C1orf105: variants seen among roughly 807,000 people sequenced by gnomAD.
C1orf105 encodes the protein uncharacterized protein C1orf105.
C1orf105 carries 17 observed loss-of-function variants against 20.8 expected under a neutral mutation model. The ratio of observed to expected loss-of-function variants is 0.82; its 90% CI spans 0.56 to 1.23. C1orf105 has a LOEUF of 1.23. Ranked by LOEUF, C1orf105 falls within the 50% of genes most tolerant of loss-of-function variation. The pLI, the probability that C1orf105 is intolerant of heterozygous loss-of-function variation, is 0.00. For missense variants in C1orf105, 219 were observed against 213.5 expected, an observed-to-expected ratio of 1.03 and a Z score of -0.16; for synonymous variants, 72 against 72.1, an observed-to-expected ratio of 1.00 and a Z score of 0.01.
intron 6 of C1orf105, among the ~76,000 whole-genome samples, chr1:172,466,065 C>G (rs926258449): frequency 2.6e-5 from 4 of 152,164 alleles, no homozygotes; most frequent in Admixed American, 6.5e-5. Context: ...TTGATACATA[C>G]AGTAAAGAAA....
intron 3 of C1orf105, chr1:172,453,142 G>A: frequency 1.3e-6 from 2 of 1,551,018 alleles, no homozygotes; most frequent in Non-Finnish European, 1.7e-6. Context: ...AGATAGAAAT[G>A]GAGCAGCTCT....
chr1:172,424,775 T>C (rs1038860079), intron 1 of C1orf105, among the ~76,000 whole-genome samples: 2 of 152,196 alleles, frequency 1.3e-5, no homozygotes, highest in Non-Finnish European at 2.9e-5. Flanking sequence ...TGCCTCTTTT[T>C]TTTTCTTTTA....
Position 172,464,768 on chromosome 1 carries a change from C to A in C1orf105, c.342-531C>A, listed in dbSNP as rs367990932. On this transcript the variant is annotated intron_variant, in intron 5 of 6. Transcript: ENST00000367727. Reference sequence around the variant, plus strand: ...AGGTTTTATCAAAAATCCATGAAAACAACACTAATCAAAAAGAGATTGAGA... The same window carrying A: ...AGGTTTTATCAAAAATCCATGAAAAAAACACTAATCAAAAAGAGATTGAGA... Among the ~76,000 whole-genome samples, 11 of 151,892 alleles carry A rather than the reference C, an allele frequency of 7.2e-5. No individual in the cohort carries two copies. In the East Asian group the frequency reaches 1.9e-3, roughly 27 times the overall value.
Position 172,448,548 on chromosome 1 carries a change from G to C in C1orf105, c.198+17G>C. On this transcript the variant is annotated intron_variant, in intron 3 of 6. Transcript: ENST00000367727. ...TTATCTAAGGTACTAAAAAATTTTTGTTGAAATGAAACCAACAGCAGTTCT... is the reference window on the plus strand; with the variant it reads ...TTATCTAAGGTACTAAAAAATTTTTCTTGAAATGAAACCAACAGCAGTTCT... 1 of 1,512,152 alleles carries C rather than the reference G, an allele frequency of 6.6e-7. No individual in the cohort carries two copies. The highest frequency in any genetic ancestry group is 1.7e-5 in the Admixed American group (1 of 59,548). The allele number at this position is 1,512,152 out of a possible 1,614,324, so 93.7% of individuals were successfully genotyped here. A position where few individuals can be genotyped will look rare whatever the true frequency, so the allele number is the denominator to read the frequency against.
intron 5 of C1orf105, 50 bp downstream of exon 5, chr1:172,462,295 A>G (rs12134818): frequency 0.057 from 76,860 of 1,342,598 alleles, 3,718 homozygotes; most frequent in African/African-American, 0.24. Flanking sequence ...GTTATGTCTG[A>G]GGACACAGGA....
chr1:172,457,058 A>G (rs114545396), intron 4 of C1orf105, among the ~76,000 whole-genome samples: 1 of 152,124 alleles, frequency 6.6e-6, no homozygotes, highest in Non-Finnish European at 1.5e-5. Flanking sequence ...AGCAAGGGAG[A>G]TGTGGAGGGA....
intron 4 of C1orf105, among the ~76,000 whole-genome samples, chr1:172,460,731 T>C (rs1478306076): frequency 6.6e-6 from 1 of 152,128 alleles, no homozygotes; most frequent in African/African-American, 2.4e-5. Flanking sequence ...CAACAGAATG[T>C]AATCAATATA....
chr1:172,424,615 T>A (rs893777846), intron 1 of C1orf105, among the ~76,000 whole-genome samples: 1 of 152,166 alleles, frequency 6.6e-6, no homozygotes, highest in African/African-American at 2.4e-5. Flanking sequence ...GGTCTTAAAC[T>A]CCTGACCTCA....
intron 1 of C1orf105, chr1:172,431,343 T>C (rs915246501): frequency 1.6e-5 from 6 of 378,178 alleles, no homozygotes; most frequent in Non-Finnish European, 2.8e-5. Context: ...CAGATAAAGT[T>C]ATAGTGGTCT....
intron 2 of C1orf105, among the ~76,000 whole-genome samples, chr1:172,447,712 G>A (rs1389696263): frequency 1.3e-5 from 2 of 152,250 alleles, no homozygotes; most frequent in African/African-American, 4.8e-5. Context: ...AATGGACAAT[G>A]AAATCTTCCC....
chr1:172,440,809 C>CA (rs1461189715), intron 1 of C1orf105, among the ~76,000 whole-genome samples: 3 of 152,184 alleles, frequency 2.0e-5, no homozygotes, highest in Non-Finnish European at 4.4e-5. Flanking sequence ...ATCAGATATA[C>CA]AGTTATTGGG....
intron 4 of C1orf105, among the ~76,000 whole-genome samples, chr1:172,457,342 T>C (rs1046696372): frequency 5.3e-5 from 8 of 152,162 alleles, no homozygotes; most frequent in African/African-American, 1.9e-4. Flanking sequence ...TGGGGCTAAA[T>C]GTGTAGGCTA....
intron 1 of C1orf105, chr1:172,431,372 GT>G (rs1288967474): frequency 3.3e-6 from 1 of 303,354 alleles, no homozygotes; most frequent in Admixed American, 5.0e-5. Context: ...GGCTAAACCA[GT>G]CACAACATTC....
chr1:172,453,070 G>C (rs755990886), intron 3 of C1orf105: 1 of 1,550,598 alleles, frequency 6.4e-7, no homozygotes, highest in African/African-American at 1.4e-5. Flanking sequence ...TGTTTGCGTC[G>C]CCTTTAAAGT....
At position 172,454,029 on chromosome 1, in the gene C1orf105, A is replaced by G. The variant is rs112438948; in HGVS notation, c.199-2386A>G. On this transcript the variant is annotated intron_variant, in intron 3 of 6. Transcript: ENST00000367727. ...TGCAATGCACTTTGGGGATCTTGCA[A>G]ATAATATCTGTTGCTTGATTTGCAA... Among the ~76,000 whole-genome samples, 38 of 152,346 alleles carry G rather than the reference A, an allele frequency of 2.5e-4. 1 individual carries two copies. The highest frequency in any genetic ancestry group is 8.2e-4 in the African/African-American group (34 of 41,586).
chr1:172,468,347 A>C, intron 6 of C1orf105, 102 bp from the exon 7 acceptor site: 1 of 850,124 alleles, frequency 1.2e-6, no homozygotes, highest in Non-Finnish European at 1.7e-6. Context: ...TCTGTTTTAT[A>C]AGGTTGAAGA....
chr1:172,456,286 G>C, intron 3 of C1orf105, 129 bp from the exon 4 acceptor site: 1 of 758,668 alleles, frequency 1.3e-6, no homozygotes, highest in Non-Finnish European at 2.3e-6. Flanking sequence ...GCTGAGACCA[G>C]AGTGCCCATC....
chr1:172,430,332 A>G, intron 1 of C1orf105: 1 of 701,980 alleles, frequency 1.4e-6, no homozygotes. Context: ...GAGGCATGCC[A>G]CAGGTGAGCC....
At chr1:172,453,980 G>T (rs540972898) in intron 3 of C1orf105, among the ~76,000 whole-genome samples, 1 of 152,172 alleles carries the variant, frequency 6.6e-6, no homozygotes, top group South Asian at 2.1e-4. Context: ...CACATTTACA[G>T]TTGTCATTAA....
Sources: gnomAD v4.1 joint callset for allele counts (sites outside exome capture counted in the v4.1 genomes callset) on GRCh38, gnomAD v4.1.1 for gene constraint, MANE v1.5 for transcripts, NCBI Gene and HGNC (gene_info 2026-07-23, HGNC 2026-07-21) for gene names.